The following LINGO2 variants were observed in gnomAD, a reference collection of about 807,000 sequenced individuals.
LINGO2 encodes leucine-rich repeat and immunoglobulin-like domain-containing nogo receptor-interacting protein 2.
In LINGO2, 14 loss-of-function variants were observed where a neutral mutation model predicts 30.6. The observed-to-expected ratio is 0.46, with a 90% CI of 0.30 to 0.72. The LOEUF (loss-of-function observed/expected upper bound fraction) is 0.72. Ranked by LOEUF, LINGO2 falls within the 30% of genes least tolerant of loss-of-function variation. The pLI, the probability that LINGO2 is intolerant of heterozygous loss-of-function variation, is 0.07. For synonymous variants in LINGO2, 317 were observed against 288.5 expected (o/e 1.10, Z -1.00); for missense variants, 729 against 751.7 (o/e 0.97, Z 0.35).
At chr9:28,306,060 C>A (rs1436290439) in intron 3 of LINGO2, among the ~76,000 whole-genome samples, 1 of 152,088 alleles carries the variant, frequency 6.6e-6, no homozygotes, top group African/African-American at 2.4e-5. Context: ...CAATCAGGAT[C>A]AATTTATGAA....
intron 4 of LINGO2, among the ~76,000 whole-genome samples, chr9:28,063,187 T>A (rs531795343): frequency 7.2e-5 from 11 of 152,228 alleles, no homozygotes; most frequent in Non-Finnish European, 1.5e-4. Flanking sequence ...TTCTTTTAGT[T>A]TGTGTGCAGA....
chr9:28,767,734 C>T, the LINGO2 span, among the ~76,000 whole-genome samples: 4 of 138,496 alleles, frequency 2.9e-5, no homozygotes, highest in Admixed American at 2.5e-4. Context: ...TGCAGTGAGC[C>T]GAGATCGCGC....
At chr9:28,711,705 G>A in the LINGO2 span, among the ~76,000 whole-genome samples, 2 of 152,062 alleles carry the variant, frequency 1.3e-5, no homozygotes, top group Non-Finnish European at 2.9e-5. Flanking sequence ...ACCTGATTCT[G>A]TTATTTAAGT....
intron 1 of LINGO2, among the ~76,000 whole-genome samples, chr9:28,558,481 C>A (rs992425525): frequency 1.3e-5 from 2 of 151,942 alleles, no homozygotes; most frequent in African/African-American, 2.4e-5. Flanking sequence ...CCTGTTTTAT[C>A]CTCTTTGGGG....
In LINGO2 at chr9:28,097,039, G is replaced by GA. The variant is rs548119507; in HGVS notation, c.-86-84635dup. Among the ~76,000 whole-genome samples, 30 of 148,104 alleles carry GA rather than the reference G, an allele frequency of 2.0e-4. No individual in the cohort carries two copies. In the East Asian group the frequency reaches 2.2e-3, roughly 11 times the overall value. Reference sequence around the variant, plus strand: ...TTATTATAATAAAAGAAACAAAATTGAAAAAAAAAGAAGACATTTATGCAG... The same window carrying GA: ...TTATTATAATAAAAGAAACAAAATTGAAAAAAAAAAGAAGACATTTATGCAG... On this transcript the variant is annotated intron_variant, in intron 4 of 5. Transcript: ENST00000379992.
At chr9:28,912,732 C>T in the LINGO2 span, among the ~76,000 whole-genome samples, 7 of 152,142 alleles carry the variant, frequency 4.6e-5, no homozygotes, top group South Asian at 2.1e-4. Flanking sequence ...GTCTACAAAA[C>T]GACAGCCTGT....
chr9:28,771,243 G>C, the LINGO2 span, among the ~76,000 whole-genome samples: 1 of 149,576 alleles, frequency 6.7e-6, no homozygotes, highest in South Asian at 2.1e-4. Context: ...CAATCAATGG[G>C]AATAAACATA....
the LINGO2 span, among the ~76,000 whole-genome samples, chr9:29,020,562 G>A: frequency 1.7e-5 from 2 of 120,042 alleles, no homozygotes; most frequent in Non-Finnish European, 1.9e-5. Context: ...TAAAAGCTTG[G>A]GAAAGGGAGA....
intron 2 of LINGO2, among the ~76,000 whole-genome samples, chr9:28,462,079 T>C (rs185185524): frequency 3.3e-5 from 5 of 152,240 alleles, no homozygotes; most frequent in Non-Finnish European, 5.9e-5. Flanking sequence ...CTCAACACTA[T>C]TCTTTATCTT....
chr9:28,386,694 G>A (rs962302299), intron 2 of LINGO2, among the ~76,000 whole-genome samples: 4 of 152,072 alleles, frequency 2.6e-5, no homozygotes, highest in Non-Finnish European at 4.4e-5. Flanking sequence ...CTCCAATATG[G>A]CACTTCTAAT....
intron 5 of LINGO2, among the ~76,000 whole-genome samples, chr9:27,997,951 T>C (rs1204174902): frequency 6.6e-6 from 1 of 151,764 alleles, no homozygotes; most frequent in Non-Finnish European, 1.5e-5. Context: ...ATGAGCCTTT[T>C]TTTGGGGTGG....
intron 4 of LINGO2, among the ~76,000 whole-genome samples, chr9:28,156,367 T>C (rs1274708960): frequency 1.3e-5 from 2 of 152,174 alleles, no homozygotes; most frequent in Non-Finnish European, 2.9e-5. Context: ...CCAATTAGAA[T>C]TGTTAAAGAA....
chr9:28,782,731 A>C, the LINGO2 span, among the ~76,000 whole-genome samples: 1 of 152,222 alleles, frequency 6.6e-6, no homozygotes, highest in Admixed American at 6.5e-5. Flanking sequence ...ATTAACTTAG[A>C]GTAGTGAATA....
At chr9:29,190,894 G>A in the LINGO2 span, among the ~76,000 whole-genome samples, 2 of 152,050 alleles carry the variant, frequency 1.3e-5, no homozygotes, top group Non-Finnish European at 2.9e-5. Flanking sequence ...CTAATCATAG[G>A]TGTATTGGTC....
chr9:28,601,262 C>G (rs1825456694), intron 1 of LINGO2, among the ~76,000 whole-genome samples: 1 of 152,110 alleles, frequency 6.6e-6, no homozygotes, highest in African/African-American at 2.4e-5. Flanking sequence ...AAAAGACAGA[C>G]ATCCAAAGAA....
chr9:29,067,656 G>C, the LINGO2 span, among the ~76,000 whole-genome samples: 13 of 151,040 alleles, frequency 8.6e-5, no homozygotes, highest in African/African-American at 1.2e-4. Flanking sequence ...GAAAACGATA[G>C]GGAAAATGAA....
chr9:29,135,488 A>T, the LINGO2 span, among the ~76,000 whole-genome samples: 2 of 150,344 alleles, frequency 1.3e-5, no homozygotes, highest in Non-Finnish European at 3.0e-5. Flanking sequence ...AACCCAGGAG[A>T]TGGAGCTTGC....
At chr9:28,511,677 T>A (rs989934959) in intron 1 of LINGO2, among the ~76,000 whole-genome samples, 24 of 152,174 alleles carry the variant, frequency 1.6e-4, no homozygotes, top group African/African-American at 5.8e-4. Context: ...ACATACCTCT[T>A]CCCCAAATTT....
chr9:29,195,273 G>C, the LINGO2 span, among the ~76,000 whole-genome samples: 1 of 151,906 alleles, frequency 6.6e-6, no homozygotes, highest in Non-Finnish European at 1.5e-5. Context: ...ACCTAATAGA[G>C]AACATTTTAT....
Sources: allele counts gnomAD v4.1 joint callset (sites outside exome capture counted in the v4.1 genomes callset), GRCh38; gene constraint gnomAD v4.1.1; transcripts MANE v1.5; gene names NCBI Gene and HGNC (gene_info 2026-07-23, HGNC 2026-07-21).